Variants in DMD observed in about 807,000 individuals in gnomAD.
DMD encodes mutant dystrophin.
Under a neutral mutation model 330.1 loss-of-function variants are expected in DMD, and 63 were observed. That is an observed-to-expected ratio of 0.19 (90% CI 0.16 to 0.24). The LOEUF is 0.24. DMD is among the 10% of genes least tolerant of loss of function. The pLI is 1.00. For synonymous variants in DMD, 1,223 were observed against 959.8 expected (o/e 1.27, Z -5.07); for missense variants, 3,344 against 2,684.1 (o/e 1.25, Z -5.43).
At chrX:32,731,663 A>C (rs1486728439) in intron 7 of DMD, among the ~76,000 whole-genome samples, 2 of 111,962 alleles carry the variant, frequency 1.8e-5, no homozygotes, top group Non-Finnish European at 1.9e-5. Context: ...CTGACACCTC[A>C]CACGGCAGGG....
At chrX:32,959,901 GT>G (rs2091808430) in intron 2 of DMD, among the ~76,000 whole-genome samples, 1 of 111,691 alleles carries the variant, frequency 9.0e-6, no homozygotes, top group Non-Finnish European at 1.9e-5. Flanking sequence ...TGAAATTAAT[GT>G]TTATGCCATC....
chrX:33,320,906 C>A (rs2054005778), intron 1 of DMD, among the ~76,000 whole-genome samples: 1 of 111,969 alleles, frequency 8.9e-6, no homozygotes, highest in Non-Finnish European at 1.9e-5. Flanking sequence ...CTCAAGAAAG[C>A]ACTTTCTTTG....
At chrX:32,347,276 G>A (rs1396108083) in intron 38 of DMD, among the ~76,000 whole-genome samples, 1 of 111,376 alleles carries the variant, frequency 9.0e-6, no homozygotes, top group Non-Finnish European at 1.9e-5. Flanking sequence ...GCATTTTCTA[G>A]GGCTGAGGAC....
chrX:32,677,111 T>A (rs775770149), intron 9 of DMD, among the ~76,000 whole-genome samples: 1 of 111,668 alleles, frequency 9.0e-6, no homozygotes, highest in African/African-American at 3.2e-5. Flanking sequence ...GAAACTCCTA[T>A]AAAATTAATT....
chrX:31,383,458 GCTA>G (rs905286698), intron 60 of DMD, among the ~76,000 whole-genome samples: 2 of 112,034 alleles, frequency 1.8e-5, no homozygotes, highest in East Asian at 5.6e-4. Context: ...TGTTGCTGCT[GCTA>G]CTACTACTAC....
chrX:32,536,954 C>T (rs1457591704), intron 17 of DMD, among the ~76,000 whole-genome samples: 1 of 111,819 alleles, frequency 8.9e-6, no homozygotes, highest in Non-Finnish European at 1.9e-5. Context: ...GCAGAGAAAT[C>T]AGTTAAAAAT....
In DMD at chrX:32,510,980, G is replaced by C. The variant is rs1172519192; in HGVS notation, c.2292+7028C>G. ...CTGATCTTCCACCTCCTCTCTCTAT[G>C]TGTGTGTATGTACATATATGTACAT... On this transcript the variant is annotated intron_variant, in intron 18 of 78. Coordinates refer to ENST00000357033, the MANE Select transcript of DMD (RefSeq NM_004006.3). 2.7e-5 allele frequency among the ~76,000 whole-genome samples: 3 copies of C among 109,367 alleles called. No individual in the cohort carries two copies. The Admixed American group carries it at 2.9e-4, about 11-fold the overall frequency. The allele number at this position is 109,367 out of a possible 115,157, so 95.0% of individuals were successfully genotyped here. A position where few individuals can be genotyped will look rare whatever the true frequency, so the allele number is the denominator to read the frequency against.
At chrX:32,628,529 C>T (rs769317247) in intron 11 of DMD, among the ~76,000 whole-genome samples, 377 of 108,115 alleles carry the variant, frequency 3.5e-3, no homozygotes, top group Middle Eastern at 0.024. Flanking sequence ...CAGCTCTGTT[C>T]CTTACTGTAA....
intron 44 of DMD, among the ~76,000 whole-genome samples, chrX:32,113,260 T>C (rs2096596469): frequency 8.9e-6 from 1 of 112,598 alleles, no homozygotes; most frequent in Middle Eastern, 4.2e-3. Context: ...AGGGTGACTA[T>C]AGTTAATGAC....
intron 1 of DMD, among the ~76,000 whole-genome samples, chrX:33,120,542 ATCT>A (rs2095416758): frequency 9.0e-6 from 1 of 111,209 alleles, no homozygotes; most frequent in Non-Finnish European, 1.9e-5. Context: ...CAACTTTTAC[ATCT>A]TCTTATCCCT....
In DMD at chrX:31,121,783, G is replaced by T. The variant is rs372759340; in HGVS notation, c.*136C>A. On this transcript the variant is annotated 3_prime_UTR_variant, in exon 79 of 79. Coordinates refer to ENST00000357033, the MANE Select transcript of DMD (RefSeq NM_004006.3). ...AAACTCTTACTGTCTAATCCTCTTT[G>T]TTGTATGAATATTATAAAAACCATG... is the stretch of plus-strand genomic sequence containing the variant. 6 of 897,770 alleles carry T rather than the reference G, an allele frequency of 6.7e-6. No homozygotes were observed. The highest frequency in any genetic ancestry group is 3.1e-5 in the East Asian group (1 of 32,200). The allele number at this position is 897,770 out of a possible 1,213,427, so 74.0% of individuals were successfully genotyped here.
intron 10 of DMD, among the ~76,000 whole-genome samples, chrX:32,644,656 T>A (rs1045101195): frequency 9.2e-6 from 1 of 109,188 alleles, no homozygotes; most frequent in African/African-American, 3.3e-5. Context: ...TCAGGAAAAG[T>A]CTCCCACTGA....
At chrX:32,197,696 T>A (rs1050132040) in intron 44 of DMD, among the ~76,000 whole-genome samples, 1 of 112,005 alleles carries the variant, frequency 8.9e-6, no homozygotes, top group African/African-American at 3.2e-5. Flanking sequence ...TTCAAATAAT[T>A]TACATTTATT....
At chrX:32,827,817 A>C (rs1417238975) in intron 4 of DMD, among the ~76,000 whole-genome samples, 2 of 109,903 alleles carry the variant, frequency 1.8e-5, no homozygotes, top group Non-Finnish European at 3.8e-5. Flanking sequence ...ATGCGCCACC[A>C]CGCCTGGCTA....
At chrX:32,825,980 AT>A (rs1355932223) in intron 4 of DMD, among the ~76,000 whole-genome samples, 2 of 110,978 alleles carry the variant, frequency 1.8e-5, no homozygotes, top group Non-Finnish European at 3.8e-5. Flanking sequence ...AAGCCACTGA[AT>A]TATACACTAA....
At chrX:32,533,024 A>T (rs1761203630) in intron 17 of DMD, among the ~76,000 whole-genome samples, 1 of 111,792 alleles carries the variant, frequency 8.9e-6, no homozygotes, top group Admixed American at 9.5e-5. Flanking sequence ...CTATAGCAGC[A>T]GAGTTGAGTA....
At chrX:32,672,001 A>G (rs1160520867) in intron 9 of DMD, among the ~76,000 whole-genome samples, 1 of 111,661 alleles carries the variant, frequency 9.0e-6, no homozygotes, top group Non-Finnish European at 1.9e-5. Context: ...GAAAAATATG[A>G]TGATATTGGA....
chrX:32,616,512 C>T (rs1288699956), intron 11 of DMD, among the ~76,000 whole-genome samples: 2 of 110,367 alleles, frequency 1.8e-5, no homozygotes, highest in Admixed American at 9.7e-5. Flanking sequence ...CAGCTTTGGA[C>T]ATTGGGAAGT....
chrX:31,481,311 A>T (rs190794376), intron 57 of DMD, among the ~76,000 whole-genome samples: 1 of 112,253 alleles, frequency 8.9e-6, no homozygotes, highest in East Asian at 2.8e-4. Flanking sequence ...CTTCAAATAG[A>T]TCTTCCTGAT....
Sources: allele counts gnomAD v4.1 joint callset (sites outside exome capture counted in the v4.1 genomes callset), GRCh38; gene constraint gnomAD v4.1.1; transcripts MANE v1.5; gene names NCBI Gene and HGNC (gene_info 2026-07-23, HGNC 2026-07-21).